ASAP1: variants seen among roughly 807,000 people sequenced by gnomAD.
The protein encoded by ASAP1 is ArfGAP with SH3 domain, ankyrin repeat and PH domain 1, also known as arf-GAP with SH3 domain, ANK repeat and PH domain-containing protein 1.
ASAP1 carries 43 observed loss-of-function variants against 145.2 expected under a neutral mutation model. The ratio of observed to expected loss-of-function variants is 0.30; its 90% CI spans 0.23 to 0.38. The LOEUF is 0.38. Ranked by LOEUF, ASAP1 falls within the 10% of genes least tolerant of loss-of-function variation. The pLI is 1.00. For synonymous variants in ASAP1, 546 were observed against 515.5 expected (o/e 1.06, Z -0.80); for missense variants, 1,018 against 1,355.3 (o/e 0.75, Z 3.91).
chr8:130,247,707 C>T (rs903457023), intron 3 of ASAP1, among the ~76,000 whole-genome samples: 9 of 152,120 alleles, frequency 5.9e-5, no homozygotes, highest in South Asian at 2.1e-4. Context: ...GCAGGTCAGA[C>T]GTGAGCTGCA....
chr8:130,233,853 T>G (rs1818052501), intron 4 of ASAP1, among the ~76,000 whole-genome samples: 1 of 152,132 alleles, frequency 6.6e-6, no homozygotes, highest in Non-Finnish European at 1.5e-5. Flanking sequence ...AACAAACAAA[T>G]TACATTGACA....
intron 13 of ASAP1, among the ~76,000 whole-genome samples, chr8:130,149,698 GA>G (rs1399655728): frequency 1.2e-4 from 19 of 152,148 alleles, no homozygotes; most frequent in Non-Finnish European, 2.8e-4. Flanking sequence ...CTTTTTCAAA[GA>G]AGCCCTTTAT....
At chr8:130,188,339 G>A (rs778595804) in intron 5 of ASAP1, among the ~76,000 whole-genome samples, 156 bp from the exon 6 acceptor site, 7 of 152,196 alleles carry the variant, frequency 4.6e-5, no homozygotes, top group Non-Finnish European at 8.8e-5. Context: ...ACCTCTGTAG[G>A]TTAGGCGACA....
At chr8:130,289,087 G>A (rs188303958) in intron 3 of ASAP1, among the ~76,000 whole-genome samples, 315 of 152,330 alleles carry the variant, frequency 2.1e-3, no homozygotes, top group African/African-American at 7.3e-3. Context: ...TCGGGAAGCT[G>A]AGGCAGGAGA....
At chr8:130,202,259 T>C (rs894999554) in intron 5 of ASAP1, among the ~76,000 whole-genome samples, 1 of 152,214 alleles carries the variant, frequency 6.6e-6, no homozygotes, top group African/African-American at 2.4e-5. Context: ...ATTACATTTG[T>C]GATGCCAGCT....
At chr8:130,244,651 C>T (rs370279563) in intron 3 of ASAP1, among the ~76,000 whole-genome samples, 7 of 152,252 alleles carry the variant, frequency 4.6e-5, no homozygotes, top group Admixed American at 2.0e-4. Context: ...TGAAACATAG[C>T]CTGTCTGTAT....
chr8:130,339,727 A>C (rs756732890), intron 3 of ASAP1, among the ~76,000 whole-genome samples: 11 of 152,200 alleles, frequency 7.2e-5, no homozygotes, highest in Non-Finnish European at 1.0e-4. Flanking sequence ...TGTGCCCTGA[A>C]GGTCAGTTGG....
chr8:130,357,625 G>A (rs772653057), intron 3 of ASAP1, among the ~76,000 whole-genome samples: 1 of 152,202 alleles, frequency 6.6e-6, no homozygotes, highest in Non-Finnish European at 1.5e-5. Flanking sequence ...GTCCCTTGCT[G>A]GTGACCTTGG....
At chr8:130,116,176 C>T (rs1402544104) in intron 22 of ASAP1, among the ~76,000 whole-genome samples, 1 of 152,204 alleles carries the variant, frequency 6.6e-6, no homozygotes, top group Non-Finnish European at 1.5e-5. Context: ...TGGAACCTGG[C>T]ACTTAGCAGA....
Position 130,078,933 on chromosome 8 carries a change from C to G in ASAP1, c.2642+969G>C, listed in dbSNP as rs957038455. Reference sequence around the variant, plus strand: ...AAAAGGCTGGATATGGTGGCTCCCACTTGTAATCCTAGCACTTTGGGAGGC... The same window carrying G: ...AAAAGGCTGGATATGGTGGCTCCCAGTTGTAATCCTAGCACTTTGGGAGGC... On this transcript the variant is annotated intron_variant, in intron 26 of 29. Transcript: ENST00000518721. Among the ~76,000 whole-genome samples the G allele has an allele frequency of 5.9e-5, 9 of 152,284 alleles. No individual in the cohort carries two copies. The East Asian group carries it at 1.7e-3, about 29-fold the overall frequency.
chr8:130,357,934 T>C (rs1187803898), intron 3 of ASAP1, 83 bp downstream of exon 3: 3 of 1,498,374 alleles, frequency 2.0e-6, no homozygotes, highest in Non-Finnish European at 2.7e-6. Flanking sequence ...CCGCGTCCCC[T>C]TCCTCCCAGC....
At chr8:130,158,666 AG>A (rs1239909271) in intron 12 of ASAP1, among the ~76,000 whole-genome samples, 2 of 152,206 alleles carry the variant, frequency 1.3e-5, no homozygotes, top group Non-Finnish European at 2.9e-5. Flanking sequence ...TGGGACAGGA[AG>A]GCAGGGTTGA....
intron 13 of ASAP1, among the ~76,000 whole-genome samples, chr8:130,150,645 G>A (rs1288081567): frequency 2.6e-5 from 4 of 152,130 alleles, no homozygotes; most frequent in South Asian, 2.1e-4. Flanking sequence ...TTGGGAGGCC[G>A]AGGCGGGTGG....
intron 3 of ASAP1, among the ~76,000 whole-genome samples, chr8:130,239,319 G>C (rs1818390556): frequency 6.6e-6 from 1 of 152,094 alleles, no homozygotes; most frequent in South Asian, 2.1e-4. Context: ...AGCATGCTAA[G>C]AGGTTTACAG....
At chr8:130,356,871 C>T (rs995609288) in intron 3 of ASAP1, among the ~76,000 whole-genome samples, 1 of 152,152 alleles carries the variant, frequency 6.6e-6, no homozygotes, top group East Asian at 1.9e-4. Flanking sequence ...TACAGAGGTC[C>T]GTCCTTGGGG....
At chr8:130,158,606 AAAG>A (rs928295820) in intron 12 of ASAP1, among the ~76,000 whole-genome samples, 23 of 152,200 alleles carry the variant, frequency 1.5e-4, no homozygotes, top group Admixed American at 1.5e-3. Context: ...AAGCAACAGA[AAAG>A]AAGCCTCATG....
At chr8:130,171,677 C>A (rs1269302146) in intron 9 of ASAP1, among the ~76,000 whole-genome samples, 4 of 152,172 alleles carry the variant, frequency 2.6e-5, no homozygotes, top group Non-Finnish European at 5.9e-5. Context: ...CAAGACTCAG[C>A]TCGGCTGCTA....
chr8:130,231,001 T>C (rs1817880559), intron 4 of ASAP1, among the ~76,000 whole-genome samples: 1 of 152,214 alleles, frequency 6.6e-6, no homozygotes, highest in Admixed American at 6.5e-5. Flanking sequence ...GAGGAAATAC[T>C]TAACTAAAAA....
At chr8:130,147,567 C>G (rs1262843402) in intron 13 of ASAP1, among the ~76,000 whole-genome samples, 1 of 152,208 alleles carries the variant, frequency 6.6e-6, no homozygotes, top group East Asian at 1.9e-4. Context: ...GGTCCAGGCT[C>G]TGCAAAGCTT....
Sources: allele counts gnomAD v4.1 joint callset (sites outside exome capture counted in the v4.1 genomes callset), GRCh38; gene constraint gnomAD v4.1.1; transcripts MANE v1.5; gene names NCBI Gene and HGNC (gene_info 2026-07-23, HGNC 2026-07-21).